NRG3: variants seen among roughly 807,000 people sequenced by gnomAD.
NRG3 encodes the protein neuregulin 3.
A neutral mutation model predicts 66.9 loss-of-function variants in NRG3; 31 were observed. That is an observed-to-expected ratio of 0.46 (90% confidence interval 0.35 to 0.63). The LOEUF (loss-of-function observed/expected upper bound fraction) is 0.63, where lower values mean the gene tolerates loss of function less well. NRG3 is among the 20% of genes least tolerant of loss of function. The pLI is 0.00. For missense variants in NRG3, 910 were observed against 878.9 expected, an observed-to-expected ratio of 1.04 and a Z score of -0.45; for synonymous variants, 393 against 359.4, an observed-to-expected ratio of 1.09 and a Z score of -1.06.
intron 2 of NRG3, among the ~76,000 whole-genome samples, chr10:82,549,938 G>T (rs2044190986): frequency 6.6e-6 from 1 of 152,136 alleles, no homozygotes; most frequent in African/African-American, 2.4e-5. Context: ...CACACTGAGA[G>T]AGTATGGATT....
intron 2 of NRG3, among the ~76,000 whole-genome samples, chr10:82,393,139 A>C (rs930530651): frequency 3.9e-5 from 6 of 152,108 alleles, no homozygotes; most frequent in African/African-American, 1.4e-4. Flanking sequence ...TGGCAATTCA[A>C]AGTATCAACA....
intron 2 of NRG3, among the ~76,000 whole-genome samples, chr10:82,382,358 C>A (rs1245395630): frequency 6.6e-6 from 1 of 151,870 alleles, no homozygotes; most frequent in Non-Finnish European, 1.5e-5. Context: ...TGGACTCATT[C>A]AAATCCCTTA....
At chr10:82,842,885 T>C (rs923409446) in intron 3 of NRG3, among the ~76,000 whole-genome samples, 4 of 152,196 alleles carry the variant, frequency 2.6e-5, no homozygotes, top group African/African-American at 9.6e-5. Flanking sequence ...CACACCTGGC[T>C]AAAACTATAT....
chr10:82,736,036 A>G (rs942986759), intron 2 of NRG3, among the ~76,000 whole-genome samples: 4 of 152,212 alleles, frequency 2.6e-5, no homozygotes, highest in Admixed American at 2.0e-4. Flanking sequence ...TAACTTTGTC[A>G]TGTATTAAGA....
At chr10:82,039,484 T>G (rs1318284356) in intron 1 of NRG3, among the ~76,000 whole-genome samples, 1 of 152,118 alleles carries the variant, frequency 6.6e-6, no homozygotes, top group African/African-American at 2.4e-5. Flanking sequence ...GCTTCAGCTC[T>G]GGGGAAATGT....
At chr10:81,942,061 T>C (rs1234570147) in intron 1 of NRG3, among the ~76,000 whole-genome samples, 1 of 152,140 alleles carries the variant, frequency 6.6e-6, no homozygotes, top group East Asian at 1.9e-4. Flanking sequence ...TAAAATTTCA[T>C]GAGTTATTCC....
chr10:82,649,615 G>A (rs191500804), intron 2 of NRG3, among the ~76,000 whole-genome samples: 14 of 151,750 alleles, frequency 9.2e-5, no homozygotes, highest in South Asian at 4.2e-4. Flanking sequence ...CACCACGCCC[G>A]GCTAATTTTT....
At chr10:82,630,271 G>A (rs1377703797) in intron 2 of NRG3, among the ~76,000 whole-genome samples, 2 of 150,890 alleles carry the variant, frequency 1.3e-5, no homozygotes, top group South Asian at 4.2e-4. Context: ...TTTTAGAGAA[G>A]AACAGCAATA....
At chr10:82,001,868 G>A (rs2061184115) in intron 1 of NRG3, among the ~76,000 whole-genome samples, 1 of 152,114 alleles carries the variant, frequency 6.6e-6, no homozygotes, top group South Asian at 2.1e-4. Flanking sequence ...GTATGTTTGG[G>A]ACCTAATAAA....
intron 3 of NRG3, among the ~76,000 whole-genome samples, chr10:82,751,661 G>A (rs2058869179): frequency 1.3e-5 from 2 of 152,178 alleles, no homozygotes; most frequent in South Asian, 2.1e-4. Context: ...AGATAAAGTA[G>A]CTATTAGTAT....
chr10:82,608,419 T>C (rs1318198254), intron 2 of NRG3, among the ~76,000 whole-genome samples: 5 of 152,200 alleles, frequency 3.3e-5, no homozygotes, highest in Non-Finnish European at 4.4e-5. Context: ...TTTTTATCTT[T>C]CTTGATGTTC....
At chr10:82,241,667 T>C (rs897455044) in intron 1 of NRG3, among the ~76,000 whole-genome samples, 1 of 152,212 alleles carries the variant, frequency 6.6e-6, no homozygotes, top group African/African-American at 2.4e-5. Context: ...TTGTAATCTT[T>C]GTTCTTTTGT....
intron 4 of NRG3, among the ~76,000 whole-genome samples, chr10:82,926,073 G>C: frequency 6.6e-6 from 1 of 152,266 alleles, no homozygotes; most frequent in Middle Eastern, 3.4e-3. Context: ...ATATCCATGG[G>C]TTCTGCATCC....
chr10:82,602,564 A>G (rs914826062), intron 2 of NRG3, among the ~76,000 whole-genome samples: 1 of 152,216 alleles, frequency 6.6e-6, no homozygotes, highest in Non-Finnish European at 1.5e-5. Flanking sequence ...TAGCTTAAAT[A>G]GATATTTGTA....
intron 1 of NRG3, among the ~76,000 whole-genome samples, chr10:82,047,250 C>T (rs899019988): frequency 1.1e-4 from 16 of 151,806 alleles, no homozygotes; most frequent in African/African-American, 3.4e-4. Flanking sequence ...TTTCAGAGAA[C>T]GCCACAAAGA....
intron 2 of NRG3, among the ~76,000 whole-genome samples, chr10:82,732,287 T>C (rs974074810): frequency 2.6e-5 from 4 of 152,228 alleles, no homozygotes; most frequent in Non-Finnish European, 5.9e-5. Flanking sequence ...TATGGTTTGC[T>C]TAAGAACATT....
chr10:82,683,816 A>C (rs1299421066), intron 2 of NRG3, among the ~76,000 whole-genome samples: 1 of 152,220 alleles, frequency 6.6e-6, no homozygotes, highest in Non-Finnish European at 1.5e-5. Context: ...TTTTAGTTCA[A>C]AACAGTTAAG....
In NRG3 at chr10:82,348,249, T is replaced by G. The variant is rs1381019986; in HGVS notation, c.824-10490T>G. On this transcript the variant is annotated intron_variant, in intron 1 of 8. Transcript: ENST00000372141. The stretch of plus-strand genomic sequence containing the variant: ...TTTAGCGCTTCCTTCAACAGCTCTT[T>G]TAGGGCAGGCCTGGTGGTGACAAAA... Among the ~76,000 whole-genome samples, 3 of 152,296 alleles carry G rather than the reference T, an allele frequency of 2.0e-5. No individual in the cohort carries two copies. The East Asian group carries it at 5.8e-4, about 29-fold the overall frequency.
intron 4 of NRG3, among the ~76,000 whole-genome samples, chr10:82,900,453 A>G (rs1374754373): frequency 6.6e-6 from 1 of 152,198 alleles, no homozygotes; most frequent in Non-Finnish European, 1.5e-5. Flanking sequence ...AATGTCTTAA[A>G]GATTATTAAT....
Sources: allele counts gnomAD v4.1 joint callset (sites outside exome capture counted in the v4.1 genomes callset), GRCh38; gene constraint gnomAD v4.1.1; transcripts MANE v1.5; gene names NCBI Gene and HGNC (gene_info 2026-07-23, HGNC 2026-07-21).